CHCHD3: variants seen among roughly 807,000 people sequenced by gnomAD.
The protein encoded by CHCHD3 is coiled-coil-helix-coiled-coil-helix domain containing 3, also known as MICOS complex subunit MIC19.
Under a neutral mutation model 38.2 loss-of-function variants are expected in CHCHD3, and 20 were observed. The ratio of observed to expected loss-of-function variants is 0.52; its 90% CI spans 0.37 to 0.76. The LOEUF (loss-of-function observed/expected upper bound fraction) is 0.76. Ranked by LOEUF, CHCHD3 falls within the 30% of genes least tolerant of loss-of-function variation. The pLI is 0.00. For missense variants in CHCHD3, 245 were observed against 279.2 expected (o/e 0.88, Z 0.87); for synonymous variants, 82 against 100.0 (o/e 0.82, Z 1.07).
At chr7:132,871,539 C>A (rs1250316838) in intron 5 of CHCHD3, among the ~76,000 whole-genome samples, 1 of 152,188 alleles carries the variant, frequency 6.6e-6, no homozygotes, top group Non-Finnish European at 1.5e-5. Context: ...GCAGACAAAT[C>A]TTCTCAACAC....
At chr7:132,958,119 G>C (rs746201646) in intron 4 of CHCHD3, among the ~76,000 whole-genome samples, 2 of 152,116 alleles carry the variant, frequency 1.3e-5, no homozygotes, top group Non-Finnish European at 2.9e-5. Flanking sequence ...TAAGCTTTAC[G>C]GCCTGAATGT....
chr7:132,874,189 C>T (rs1360494768), intron 5 of CHCHD3, among the ~76,000 whole-genome samples: 2 of 152,146 alleles, frequency 1.3e-5, no homozygotes, highest in South Asian at 2.1e-4. Context: ...AGAGTTTATA[C>T]AAACACTACA....
chr7:132,945,259 T>G (rs1023390165), intron 4 of CHCHD3, among the ~76,000 whole-genome samples: 1 of 151,988 alleles, frequency 6.6e-6, no homozygotes, highest in Non-Finnish European at 1.5e-5. Context: ...AGGTTCCCCT[T>G]AAGCCAGCAC....
intron 3 of CHCHD3, among the ~76,000 whole-genome samples, chr7:132,997,659 TAAAAAAAAAAAA>T (rs71178073): frequency 6.1e-5 from 5 of 81,742 alleles, no homozygotes; most frequent in African/African-American, 1.9e-4. Context: ...AACAGGGTTG[TAAAAAAAAAAAA>T]AAAAAAAAAA....
At chr7:133,074,918 C>G (rs144007087) in intron 1 of CHCHD3, among the ~76,000 whole-genome samples, 181 of 144,786 alleles carry the variant, frequency 1.3e-3, no homozygotes, top group Admixed American at 1.9e-3. Context: ...ACCCATATAG[C>G]TCCAACCACA....
chr7:132,860,806 TAG>T (rs1299107014), intron 5 of CHCHD3, among the ~76,000 whole-genome samples: 1 of 152,168 alleles, frequency 6.6e-6, no homozygotes, highest in Non-Finnish European at 1.5e-5. Context: ...GTATTTTTAG[TAG>T]AGACAAGGTT....
At chr7:133,039,603 G>A (rs1476287048) in intron 2 of CHCHD3, among the ~76,000 whole-genome samples, 5 of 152,154 alleles carry the variant, frequency 3.3e-5, no homozygotes, top group Admixed American at 6.5e-5. Context: ...AACATTTTCC[G>A]CACTTGAAGT....
intron 5 of CHCHD3, among the ~76,000 whole-genome samples, chr7:132,883,485 C>CAACGAGGGAG (rs1286259026): frequency 3.2e-4 from 49 of 152,262 alleles, no homozygotes; most frequent in African/African-American, 1.2e-3. Flanking sequence ...CAGAGTTCTG[C>CAACGAGGGAG]CCACTACAAC....
chr7:133,036,903 G>C (rs1813695136), intron 2 of CHCHD3, among the ~76,000 whole-genome samples: 1 of 152,134 alleles, frequency 6.6e-6, no homozygotes, highest in Admixed American at 6.5e-5. Context: ...CAACATGCTA[G>C]GATTTGTTGG....
intron 6 of CHCHD3, among the ~76,000 whole-genome samples, chr7:132,797,240 GTTC>G (rs1356861675): frequency 3.3e-5 from 5 of 151,786 alleles, no homozygotes; most frequent in Non-Finnish European, 5.9e-5. Flanking sequence ...TCAGGGTTTC[GTTC>G]TTACACTTCT....
At chr7:132,910,620 G>A (rs1283734914) in intron 4 of CHCHD3, among the ~76,000 whole-genome samples, 1 of 152,124 alleles carries the variant, frequency 6.6e-6, no homozygotes, top group Non-Finnish European at 1.5e-5. Flanking sequence ...CTCTAAGCAG[G>A]CAGCTTAACT....
chr7:132,953,397 G>A (rs914034243), intron 4 of CHCHD3, among the ~76,000 whole-genome samples: 9 of 152,072 alleles, frequency 5.9e-5, no homozygotes, highest in Non-Finnish European at 1.2e-4. Context: ...CTGCCCTGAG[G>A]GACATCCTGA....
chr7:132,885,314 C>A (rs1381641057), intron 5 of CHCHD3, among the ~76,000 whole-genome samples: 4 of 152,042 alleles, frequency 2.6e-5, no homozygotes, highest in Non-Finnish European at 5.9e-5. Flanking sequence ...AAAACACTAC[C>A]ATTTTTAAGA....
rs1245783036 is a variant in CHCHD3, at chr7:132,841,441, AC to A, written c.454-2973del. ...AAACAACAACAACAAAAAAAAAAAA[AC>A]AACCAACCCAACAAAAAACACTCAT... is the stretch of plus-strand genomic sequence containing the variant. On this transcript the variant is annotated intron_variant, in intron 5 of 7. Transcript: ENST00000262570. 3.3e-5 allele frequency among the ~76,000 whole-genome samples: 5 copies of A among 150,360 alleles called. No homozygotes were observed. The East Asian group carries it at 7.7e-4, about 23-fold the overall frequency.
intron 5 of CHCHD3, among the ~76,000 whole-genome samples, chr7:132,850,448 T>TG: frequency 2.8e-5 from 1 of 35,346 alleles, no homozygotes; most frequent in Non-Finnish European, 7.0e-5. Context: ...GTTTTTTTTT[T>TG]TGTTTTTTTT....
At chr7:132,965,223 G>A (rs964173715) in intron 4 of CHCHD3, among the ~76,000 whole-genome samples, 6 of 152,024 alleles carry the variant, frequency 3.9e-5, no homozygotes, top group African/African-American at 1.2e-4. Context: ...TCCATTACAC[G>A]TTAAAAACAA....
Position 132,911,228 on chromosome 7 carries a change from A to C in CHCHD3, c.370-25483T>G, listed in dbSNP as rs546311273. On this transcript the variant is annotated intron_variant, in intron 4 of 7. Transcript: ENST00000262570. The stretch of plus-strand genomic sequence containing the variant: ...GCAGCCCACCCTCTTGGAATTAAAA[A>C]CTAATAGGAACAATATGGGAAGGGG... Among the ~76,000 whole-genome samples the C allele has an allele frequency of 1.3e-3, 193 of 152,246 alleles. 1 individual carries two copies. The highest frequency in any genetic ancestry group is 4.6e-3 in the African/African-American group (190 of 41,570).
intron 4 of CHCHD3, among the ~76,000 whole-genome samples, chr7:132,968,876 T>A (rs1397148072): frequency 1.3e-5 from 2 of 152,246 alleles, no homozygotes; most frequent in Non-Finnish European, 2.9e-5. Flanking sequence ...GTAGTGTTCT[T>A]ATCTGCTTCC....
At position 132,917,502 on chromosome 7, in the gene CHCHD3, T is replaced by C. The variant is rs138717062; in HGVS notation, c.370-31757A>G. Among the ~76,000 whole-genome samples, 993 of 152,258 alleles carry C rather than the reference T, an allele frequency of 6.5e-3. 11 individuals are homozygous for C. Among genetic ancestry groups the C allele is most frequent in the African/African-American group, 0.022 (923 of 41,532 alleles). On this transcript the variant is annotated intron_variant, in intron 4 of 7. Coordinates refer to ENST00000262570, the MANE Select transcript of CHCHD3 (RefSeq NM_017812.4). ...TTTCCTATATATTTAAACTCTAAACTCTTGTGGTTCATTTTAATTTTTGAA... is the reference window on the plus strand; with the variant it reads ...TTTCCTATATATTTAAACTCTAAACCCTTGTGGTTCATTTTAATTTTTGAA...
Sources: gnomAD v4.1 joint callset for allele counts (sites outside exome capture counted in the v4.1 genomes callset) on GRCh38, gnomAD v4.1.1 for gene constraint, MANE v1.5 for transcripts, NCBI Gene and HGNC (gene_info 2026-07-23, HGNC 2026-07-21) for gene names.